PARD6G: variants seen among roughly 807,000 people sequenced by gnomAD.
The protein encoded by PARD6G is par-6 family cell polarity regulator gamma, also known as partitioning defective 6 homolog gamma.
A neutral mutation model predicts 10.7 loss-of-function variants in PARD6G; 7 were observed. That is an observed-to-expected ratio of 0.66 (90% confidence interval 0.37 to 1.23). The LOEUF is 1.23. Among genes scored for constraint, PARD6G ranks in the 50% most tolerant of loss-of-function variants. The pLI is 0.02. For synonymous variants in PARD6G, 287 were observed against 269.4 expected (o/e 1.07, Z -0.64); for missense variants, 548 against 571.8 (o/e 0.96, Z 0.42).
chr18:80,159,891 C>A lies in PARD6G; in HGVS notation c.1011G>T (p.Arg337=). The change falls in exon 3 of 3, where the codon CGG becomes CGT. Residue 337 remains arginine (R), a synonymous_variant. Transcript: ENST00000353265. Reference sequence around the variant, plus strand: ...GGAGGCCGCCGTCCAGGGCCAGGTCCCGCTGCAGCCGCTGCGCCAGGCCCG... The same window carrying A: ...GGAGGCCGCCGTCCAGGGCCAGGTCACGCTGCAGCCGCTGCGCCAGGCCCG... ...NGAGLAQRLQ[R]DLALDGGLQR... is the part of the protein sequence containing the mutation. The A allele has an allele frequency of 4.0e-6, 6 of 1,513,676 alleles. No individual in the cohort carries two copies. The highest frequency in any genetic ancestry group is 4.4e-6 in the Non-Finnish European group (5 of 1,137,458). The allele number at this position is 1,513,676 out of a possible 1,614,324, so 93.8% of individuals were successfully genotyped here.
chr18:80,167,188 C>T (rs762679525), intron 2 of PARD6G, among the ~76,000 whole-genome samples: 2 of 151,996 alleles, frequency 1.3e-5, no homozygotes, highest in African/African-American at 4.8e-5. Context: ...TGCGTGTGGA[C>T]GTGTGTGCAG....
intron 1 of PARD6G, among the ~76,000 whole-genome samples, chr18:80,224,602 CTT>C (rs1967268584): frequency 6.6e-6 from 1 of 152,212 alleles, no homozygotes; most frequent in Non-Finnish European, 1.5e-5. Context: ...AATCCCAGCA[CTT>C]TGAGAGGCCG....
rs1479222778 is a variant in PARD6G at position 80,157,444 on chromosome 18, A to C, written c.*2327T>G. ...AATCTCAGTGAAAGCCTCATTTCTT[A>C]AAAAAAAACTCACATTTGCTTAACA... is the stretch of plus-strand genomic sequence containing the variant. On this transcript the variant is annotated 3_prime_UTR_variant, in exon 3 of 3. Coordinates refer to ENST00000353265, the MANE Select transcript of PARD6G (RefSeq NM_032510.4). 2 of 151,536 alleles carry C rather than the reference A, an allele frequency of 1.3e-5. No homozygotes were observed. The highest frequency in any genetic ancestry group is 2.9e-5 in the Non-Finnish European group (2 of 67,874). 9.4% of individuals were successfully genotyped at this position (151,536 alleles called of 1,614,324 possible). A position where few individuals can be genotyped will look rare whatever the true frequency, so the allele number is the denominator to read the frequency against.
chr18:80,197,617 A>G (rs1966970010), intron 2 of PARD6G: 1 of 152,226 alleles, frequency 6.6e-6, no homozygotes, highest in African/African-American at 2.4e-5. Flanking sequence ...ACACCCTACC[A>G]AGTCCTGGGC....
At position 80,183,508 on chromosome 18, in the gene PARD6G, G is replaced by A. The variant is rs547459920; in HGVS notation, c.295+19202C>T. Among the ~76,000 whole-genome samples the A allele has an allele frequency of 3.5e-4, 53 of 152,228 alleles. No homozygotes were observed. Among genetic ancestry groups the A allele is most frequent in the South Asian group, 2.1e-3 (10 of 4,810 alleles). ...CCAAGGCTCAGCACGTGATCCTGCC[G>A]GTCGTACACACAGCCCCAGCTCGAG... On this transcript the variant is annotated intron_variant, in intron 2 of 2. Coordinates refer to ENST00000353265, the MANE Select transcript of PARD6G (RefSeq NM_032510.4). This position sits in a 1 kb window ranked among gnomAD's most constrained non-coding sequence, Gnocchi z 4.5.
intron 1 of PARD6G, among the ~76,000 whole-genome samples, chr18:80,229,642 T>G (rs1967336179): frequency 6.6e-6 from 1 of 152,210 alleles, no homozygotes; most frequent in Admixed American, 6.5e-5. Context: ...TGACCTGTCT[T>G]CGTGTAGCTG....
In PARD6G at chr18:80,159,610, A is replaced by AAAT; in HGVS notation, c.*158_*160dup. 1 of 1,162,462 alleles carries AAAT rather than the reference A, an allele frequency of 8.6e-7. No homozygotes were observed. Among genetic ancestry groups the AAAT allele is most frequent in the Non-Finnish European group, 1.1e-6 (1 of 906,834 alleles). 72.0% of individuals were successfully genotyped at this position (1,162,462 alleles called of 1,614,324 possible). A position where few individuals can be genotyped will look rare whatever the true frequency, so the allele number is the denominator to read the frequency against. ...TAAGTTCTGTGGCGAAATTCTATAA[A>AAAT]AATAGGCAATACTTGTGTTTTTATA... On this transcript the variant is annotated 3_prime_UTR_variant, in exon 3 of 3. Transcript: ENST00000353265.
Position 80,183,214 on chromosome 18 carries a change from CAG to C in PARD6G, c.295+19494_295+19495del, listed in dbSNP as rs1047620769. The C allele has an allele frequency of 8.5e-6, 6 of 702,312 alleles. No individual in the cohort carries two copies. The Admixed American group carries it at 1.0e-4, about 12-fold the overall frequency. 43.5% of individuals were successfully genotyped at this position (702,312 alleles called of 1,614,324 possible). A position where few individuals can be genotyped will look rare whatever the true frequency, so the allele number is the denominator to read the frequency against. ...TGTGAAAGGGTGGGAGAGAGAAAGCCAGAGAGACTTCTGCAAAACAAGCTGCA... is the reference window on the plus strand; with the variant it reads ...TGTGAAAGGGTGGGAGAGAGAAAGCCAGAGACTTCTGCAAAACAAGCTGCA... On this transcript the variant is annotated intron_variant, in intron 2 of 2. Coordinates refer to ENST00000353265, the MANE Select transcript of PARD6G (RefSeq NM_032510.4). This position sits in a 1 kb window ranked among gnomAD's most constrained non-coding sequence, Gnocchi z 4.5.
In PARD6G at chr18:80,159,832, C is replaced by T. The variant is rs898923538; in HGVS notation, c.1070G>A (p.Arg357His). 1.3e-6 allele frequency: 2 copies of T among 1,489,242 alleles called. No homozygotes were observed. Among genetic ancestry groups the T allele is most frequent in the Non-Finnish European group, 1.8e-6 (2 of 1,124,450 alleles). The allele number at this position is 1,489,242 out of a possible 1,614,324, so 92.3% of individuals were successfully genotyped here. A position where few individuals can be genotyped will look rare whatever the true frequency, so the allele number is the denominator to read the frequency against. Residue 357 changes from arginine (R) to histidine (H), a missense_variant, in exon 3 of 3, where the codon CGT becomes CAT. Arg to His is a conservative substitution (Grantham distance 29). Transcript: ENST00000353265. ...GCCTGGCGGCAGCGCCAGGCTGTGA[C>T]GGGGGTCGGCCCGCAGGGAGCTGAG... ...RLLSSLRADP[R>H]HSLALPPGGV...
intron 1 of PARD6G, among the ~76,000 whole-genome samples, chr18:80,221,204 T>G (rs1967224915): frequency 6.6e-6 from 1 of 152,166 alleles, no homozygotes; most frequent in African/African-American, 2.4e-5. Flanking sequence ...GATGCCAATT[T>G]ATGCTATGAG....
chr18:80,160,595 G>C lies in PARD6G; in HGVS notation c.307C>G (p.Arg103Gly). Residue 103 changes from arginine (R) to glycine (G), a missense_variant, in exon 3 of 3, where the codon CGT becomes GGT. This residue lies in a region of PARD6G where 235 missense variants were observed against 291.9 expected (regional missense o/e 0.81). Coordinates refer to ENST00000353265, the MANE Select transcript of PARD6G (RefSeq NM_032510.4). Reference protein sequence around the residue: ...VFIQKREEAERGSLGAGSLCR... With the variant: ...VFIQKREEAEGGSLGAGSLCR... ...AGCGAGCCCGCGCCGAGGCTGCCACGCTCGGCCTCCTCTGCGGGAGAGGGG... is the reference window on the plus strand; with the variant it reads ...AGCGAGCCCGCGCCGAGGCTGCCACCCTCGGCCTCCTCTGCGGGAGAGGGG... 6.9e-7 allele frequency: 1 copy of C among 1,447,632 alleles called. No individual in the cohort carries two copies. The highest frequency in any genetic ancestry group is 1.9e-4 in the Middle Eastern group (1 of 5,210). The allele number at this position is 1,447,632 out of a possible 1,614,324, so 89.7% of individuals were successfully genotyped here.
Position 80,159,047 on chromosome 18 carries a change from G to A in PARD6G, c.*724C>T, listed in dbSNP as rs974696393. ...TCTGTCACCCAGGCTGGAGTGCAGT[G>A]GTGCGATCTCAGCTCACTGCAACCT... On this transcript the variant is annotated 3_prime_UTR_variant, in exon 3 of 3. Coordinates refer to ENST00000353265, the MANE Select transcript of PARD6G (RefSeq NM_032510.4). The A allele has an allele frequency of 2.6e-5, 4 of 151,176 alleles. No individual in the cohort carries two copies. The highest frequency in any genetic ancestry group is 5.9e-5 in the Non-Finnish European group (4 of 67,876). The allele number at this position is 151,176 out of a possible 1,614,324, so 9.4% of individuals were successfully genotyped here.
intron 1 of PARD6G, among the ~76,000 whole-genome samples, chr18:80,206,245 G>T (rs1165421357): frequency 6.6e-6 from 1 of 152,216 alleles, no homozygotes; most frequent in African/African-American, 2.4e-5. Context: ...TGCTTCATAT[G>T]TTGAATGAGC....
In PARD6G at chr18:80,192,746, C is replaced by T. The variant is rs1384372032; in HGVS notation, c.295+9964G>A. Among the ~76,000 whole-genome samples, 3 of 152,092 alleles carry T rather than the reference C, an allele frequency of 2.0e-5. No homozygotes were observed. The highest frequency in any genetic ancestry group is 2.9e-5 in the Non-Finnish European group (2 of 68,008). ...ACCTGGCCTGGAGATGAGGGTCAAC[C>T]AGTCCCAAATCTCCACTGTTCATTA... On this transcript the variant is annotated intron_variant, in intron 2 of 2. Transcript: ENST00000353265. The surrounding 1 kb of genome is among the most constrained non-coding windows in gnomAD (Gnocchi z 4.9).
In PARD6G at chr18:80,175,174, AAC is replaced by A. The variant is rs2052801428; in HGVS notation, c.296-14570_296-14569del. ...CTTCCCCAGACTATTTAGTGCAACT[AAC>A]ACATGCTAGATGGGAAACACATAAC... On this transcript the variant is annotated intron_variant, in intron 2 of 2. Transcript: ENST00000353265. The surrounding 1 kb of genome is among the most constrained non-coding windows in gnomAD (Gnocchi z 6.7). Among the ~76,000 whole-genome samples the A allele has an allele frequency of 6.6e-6, 1 of 152,238 alleles. No individual in the cohort carries two copies. The highest frequency in any genetic ancestry group is 2.4e-5 in the African/African-American group (1 of 41,450).
Position 80,188,469 on chromosome 18 carries a change from A to T in PARD6G, c.295+14241T>A, listed in dbSNP as rs892977903. On this transcript the variant is annotated intron_variant, in intron 2 of 2. Coordinates refer to ENST00000353265, the MANE Select transcript of PARD6G (RefSeq NM_032510.4). This position sits in a 1 kb window ranked among gnomAD's most constrained non-coding sequence, Gnocchi z 5.4. ...TCCACCTGCAATTCCCGTCCTGGGC[A>T]GCAGAAGTTGCCCTGCCCCAAGTTC... Among the ~76,000 whole-genome samples the T allele has an allele frequency of 2.0e-5, 3 of 152,188 alleles. No homozygotes were observed. The highest frequency in any genetic ancestry group is 4.8e-5 in the African/African-American group (2 of 41,454).
rs190295402 is a variant in PARD6G at position 80,228,270 on chromosome 18, G to A, written c.72+19007C>T. ...CAGAGAGACCCCAAGTGAAAACTGCGGAAGCCGCCATGGGGAGGTGAGGGG... is the reference window on the plus strand; with the variant it reads ...CAGAGAGACCCCAAGTGAAAACTGCAGAAGCCGCCATGGGGAGGTGAGGGG... On this transcript the variant is annotated intron_variant, in intron 1 of 2. Transcript: ENST00000353265. The surrounding 1 kb of genome is among the most constrained non-coding windows in gnomAD (Gnocchi z 4.6). 8.6e-5 allele frequency among the ~76,000 whole-genome samples: 13 copies of A among 151,984 alleles called. No individual in the cohort carries two copies. The highest frequency in any genetic ancestry group is 7.8e-4 in the Admixed American group (12 of 15,288).
intron 2 of PARD6G, among the ~76,000 whole-genome samples, chr18:80,193,151 GC>G (rs1191537593): frequency 6.6e-6 from 1 of 152,044 alleles, no homozygotes; most frequent in Non-Finnish European, 1.5e-5. Context: ...ATCACAGAAG[GC>G]TCGCTCCTGA....
intron 2 of PARD6G, among the ~76,000 whole-genome samples, chr18:80,179,751 GT>G (rs1793018431): frequency 6.6e-6 from 1 of 152,240 alleles, no homozygotes; most frequent in Non-Finnish European, 1.5e-5. Context: ...CATGCCATGG[GT>G]TCCGTGCACG....
Sources: allele counts gnomAD v4.1 joint callset (sites outside exome capture counted in the v4.1 genomes callset), GRCh38; gene constraint gnomAD v4.1.1; regional missense constraint gnomAD v4.1.1; non-coding constraint Gnocchi (gnomAD v3.1); transcripts MANE v1.5; gene names NCBI Gene and HGNC (gene_info 2026-07-23, HGNC 2026-07-21).